The following DNAH11 variants were observed in gnomAD, a reference collection of about 807,000 sequenced individuals.
DNAH11 encodes dynein axonemal heavy chain 11.
Under a neutral mutation model 526.0 loss-of-function variants are expected in DNAH11, and 442 were observed. The observed-to-expected ratio is 0.84, with a 90% confidence interval of 0.78 to 0.91. The LOEUF (loss-of-function observed/expected upper bound fraction) is 0.91. Ranked by LOEUF, DNAH11 falls within the 40% of genes least tolerant of loss-of-function variation. The pLI is 0.00. For missense variants in DNAH11, 6,989 were observed against 5,448.7 expected (o/e 1.28, Z -8.90); for synonymous variants, 2,461 against 1,935.9 (o/e 1.27, Z -7.12).
chr7:21,900,805 G>C, intron 81 of DNAH11: 1 of 688,396 alleles, frequency 1.5e-6, no homozygotes, highest in Non-Finnish European at 2.2e-6. Flanking sequence ...CACTACGCAT[G>C]GAAGCAAAGC....
chr7:21,568,896 C>A (rs1211297721), intron 6 of DNAH11, among the ~76,000 whole-genome samples: 1 of 152,084 alleles, frequency 6.6e-6, no homozygotes, highest in Non-Finnish European at 1.5e-5. Context: ...AAAGTGTCAA[C>A]TCTTTTAAAA....
Position 21,600,736 on chromosome 7 carries a change from G to A in DNAH11, c.3061G>A (p.Val1021Met). ...CAGGCAGGAGATCATGAACAGAGTG[G>A]TGAATGTCATCAACAAAGTCTTAGA... ...EVRQEIMNRV[V>M]NVINKVLDFR... Residue 1021 changes from valine to methionine, a missense_variant, in exon 16 of 82, where the codon GTG becomes ATG. By Grantham distance (21) the Val-to-Met change is conservative. Transcript: ENST00000409508. 6.2e-7 allele frequency: 1 copy of A among 1,613,810 alleles called. No individual in the cohort carries two copies. Among genetic ancestry groups the A allele is most frequent in the Non-Finnish European group, 8.5e-7 (1 of 1,179,818 alleles).
At chr7:21,677,940 G>A (rs965571930) in intron 30 of DNAH11, among the ~76,000 whole-genome samples, 3 of 152,134 alleles carry the variant, frequency 2.0e-5, no homozygotes, top group African/African-American at 7.2e-5. Flanking sequence ...CCGTTGAGTT[G>A]TATGAGTTCC....
chr7:21,631,068 C>T (rs1311395961), intron 25 of DNAH11, among the ~76,000 whole-genome samples: 24 of 152,118 alleles, frequency 1.6e-4, no homozygotes, highest in Non-Finnish European at 1.5e-5. Context: ...GCTAGGGAGG[C>T]CTCACAATTG....
At chr7:21,692,378 T>C (rs1002823640) in intron 35 of DNAH11, among the ~76,000 whole-genome samples, 1 of 152,216 alleles carries the variant, frequency 6.6e-6, no homozygotes, top group Admixed American at 6.5e-5. Flanking sequence ...TCTGTGATTA[T>C]AGATTAAATT....
rs893199340 is a variant in DNAH11, at chr7:21,788,627, A to G, written c.9925-614A>G. Among the ~76,000 whole-genome samples the G allele has an allele frequency of 3.3e-5, 5 of 152,280 alleles. 1 individual carries two copies. The South Asian group carries it at 1.0e-3, about 32-fold the overall frequency. ...CCTAAATTCTCAGATGGTCCATTCA[A>G]ACAACATGTGCTTAAGGTGGTTGGG... On this transcript the variant is annotated intron_variant, in intron 60 of 81. Coordinates refer to ENST00000409508, the MANE Select transcript of DNAH11 (RefSeq NM_001277115.2).
intron 25 of DNAH11, among the ~76,000 whole-genome samples, chr7:21,634,716 GCCCA>G: frequency 6.6e-6 from 1 of 152,176 alleles, no homozygotes; most frequent in African/African-American, 2.4e-5. Context: ...CAGGTACTAT[GCCCA>G]TTACCTGGGT....
chr7:21,769,300 A>G (rs1445721837), intron 55 of DNAH11, among the ~76,000 whole-genome samples: 1 of 152,124 alleles, frequency 6.6e-6, no homozygotes, highest in African/African-American at 2.4e-5. Flanking sequence ...GCTGCCCAGG[A>G]ATCTGGACAT....
intron 22 of DNAH11, among the ~76,000 whole-genome samples, chr7:21,616,521 G>A (rs1301168386): frequency 6.6e-6 from 1 of 152,120 alleles, no homozygotes; most frequent in Non-Finnish European, 1.5e-5. Context: ...TTTATGAGAA[G>A]CTACTCTAAT....
At chr7:21,570,403 G>A (rs1010905123) in intron 7 of DNAH11, 104 bp downstream of exon 7, 1 of 918,676 alleles carries the variant, frequency 1.1e-6, no homozygotes, top group Non-Finnish European at 1.6e-6. Flanking sequence ...CATAGGTGGA[G>A]GTCTCCTTTC....
intron 8 of DNAH11, among the ~76,000 whole-genome samples, chr7:21,573,256 G>A (rs1461542342): frequency 2.6e-5 from 4 of 151,908 alleles, no homozygotes; most frequent in Admixed American, 2.0e-4. Flanking sequence ...TACTCTTGAG[G>A]TATATATCTG....
chr7:21,544,990 C>G lies in DNAH11; in HGVS notation c.352-16C>G, dbSNP rs1207274353. The G allele has an allele frequency of 6.4e-7, 1 of 1,560,350 alleles. No individual in the cohort carries two copies. The stretch of plus-strand genomic sequence containing the variant: ...CAAGAAAACTACTTGAACTAATTAT[C>G]TTGCTCTTGTTTTAGATTCCAAGAG... On this transcript the variant is annotated splice_polypyrimidine_tract_variant and intron_variant, in intron 1 of 81. Coordinates refer to ENST00000409508, the MANE Select transcript of DNAH11 (RefSeq NM_001277115.2).
At chr7:21,822,140 G>T (rs1318086711) in intron 65 of DNAH11, among the ~76,000 whole-genome samples, 1 of 152,098 alleles carries the variant, frequency 6.6e-6, no homozygotes, top group Non-Finnish European at 1.5e-5. Context: ...AGGAATACCT[G>T]AGACTGGGTA....
In DNAH11 at chr7:21,735,631, T is replaced by C. The variant is rs2128489041; in HGVS notation, c.7441-9T>C. The C allele has an allele frequency of 6.4e-7, 1 of 1,567,048 alleles. No homozygotes were observed. Among genetic ancestry groups the C allele is most frequent in the Non-Finnish European group, 8.7e-7 (1 of 1,154,402 alleles). ...TCTGATCTTTGTCTCATTCTGTTTCTCCTCCCAGACAGTTCTCGTTCACAC... is the reference window on the plus strand; with the variant it reads ...TCTGATCTTTGTCTCATTCTGTTTCCCCTCCCAGACAGTTCTCGTTCACAC... On this transcript the variant is annotated splice_polypyrimidine_tract_variant and intron_variant, in intron 45 of 81. Coordinates refer to ENST00000409508, the MANE Select transcript of DNAH11 (RefSeq NM_001277115.2).
chr7:21,722,934 C>T (rs1396002147), intron 44 of DNAH11, among the ~76,000 whole-genome samples: 1 of 152,150 alleles, frequency 6.6e-6, no homozygotes, highest in Non-Finnish European at 1.5e-5. Context: ...CCCAGCTGAC[C>T]CTCTTTTAAT....
intron 45 of DNAH11, among the ~76,000 whole-genome samples, chr7:21,730,350 A>C (rs977995426): frequency 6.6e-6 from 1 of 152,234 alleles, no homozygotes; most frequent in Non-Finnish European, 1.5e-5. Flanking sequence ...GAGGACTGGC[A>C]TGATGCTCAA....
chr7:21,752,218 G>T (rs183858502), intron 54 of DNAH11, among the ~76,000 whole-genome samples: 1 of 152,222 alleles, frequency 6.6e-6, no homozygotes, highest in Non-Finnish European at 1.5e-5. Flanking sequence ...GCTTCTACAG[G>T]ATAAATTCCT....
rs17145187 is a variant in DNAH11 at position 21,741,586 on chromosome 7, T to C, written c.7915-341T>C. Reference sequence around the variant, plus strand: ...TCATCTGTGCATGTTGGGGATAAACTGTCAGTTAATTTGATGTGGCTTTGG... The same window carrying C: ...TCATCTGTGCATGTTGGGGATAAACCGTCAGTTAATTTGATGTGGCTTTGG... On this transcript the variant is annotated intron_variant, in intron 48 of 81. Transcript: ENST00000409508. Among the ~76,000 whole-genome samples, 2,002 of 152,306 alleles carry C rather than the reference T, an allele frequency of 0.013. 48 individuals are homozygous for C. The highest frequency in any genetic ancestry group is 0.046 in the African/African-American group (1,904 of 41,566).
In DNAH11 at chr7:21,755,251, G is replaced by A. The variant is rs145187955; in HGVS notation, c.8940+4887G>A. 1.9e-3 allele frequency among the ~76,000 whole-genome samples: 294 copies of A among 152,248 alleles called. 2 individuals are homozygous for A. Among genetic ancestry groups the A allele is most frequent in the African/African-American group, 6.7e-3 (277 of 41,552 alleles). On this transcript the variant is annotated intron_variant, in intron 54 of 81. Coordinates refer to ENST00000409508, the MANE Select transcript of DNAH11 (RefSeq NM_001277115.2). ...GTGTCCTTGGATTGCCTCAAATAAG[G>A]CAATGAATAGCAATGCCAAATGCCT...
Sources: gnomAD v4.1 joint callset for allele counts (sites outside exome capture counted in the v4.1 genomes callset) on GRCh38, gnomAD v4.1.1 for gene constraint, MANE v1.5 for transcripts, NCBI Gene and HGNC (gene_info 2026-07-23, HGNC 2026-07-21) for gene names.